CA7: variants seen among roughly 807,000 people sequenced by gnomAD.
The protein encoded by CA7 is carbonic anhydrase 7.
CA7 carries 13 observed loss-of-function variants against 31.4 expected under a neutral mutation model. The ratio of observed to expected loss-of-function variants is 0.41; its 90% CI spans 0.27 to 0.66. The LOEUF is 0.66. Ranked by LOEUF, CA7 falls within the 30% of genes least tolerant of loss-of-function variation. The pLI, the probability that CA7 is intolerant of heterozygous loss-of-function variation, is 0.28. For missense variants in CA7, 215 were observed against 351.0 expected, an observed-to-expected ratio of 0.61 and a Z score of 3.10; for synonymous variants, 128 against 133.2, an observed-to-expected ratio of 0.96 and a Z score of 0.27.
At chr16:66,844,851 C>A in intron 1 of CA7, 1 of 1,014,058 alleles carries the variant, frequency 9.9e-7, no homozygotes, top group Non-Finnish European at 1.2e-6. Context: ...CCCGGGCGTG[C>A]GCAGCGCGTG....
At position 66,853,723 on chromosome 16, in the gene CA7, G is replaced by A. The variant is rs1433286621; in HGVS notation, c.*225G>A. The A allele has an allele frequency of 7.2e-6, 4 of 552,952 alleles. No homozygotes were observed. Among genetic ancestry groups the A allele is most frequent in the Non-Finnish European group, 1.3e-5 (4 of 314,194 alleles). The allele number at this position is 552,952 out of a possible 1,614,324, so 34.3% of individuals were successfully genotyped here. A position where few individuals can be genotyped will look rare whatever the true frequency, so the allele number is the denominator to read the frequency against. ...AGGACAGGAGCTAAGCAGGGTCCAAGCCTGGGGCTGCCTCTGCTCTCCAAG... is the reference window on the plus strand; with the variant it reads ...AGGACAGGAGCTAAGCAGGGTCCAAACCTGGGGCTGCCTCTGCTCTCCAAG... On this transcript the variant is annotated 3_prime_UTR_variant, in exon 7 of 7. Coordinates refer to ENST00000338437, the MANE Select transcript of CA7 (RefSeq NM_005182.3). This position sits in a 1 kb window ranked among gnomAD's most constrained non-coding sequence, Gnocchi z 4.5.
At chr16:66,845,338 TC>T in intron 1 of CA7, 1 of 586,818 alleles carries the variant, frequency 1.7e-6, no homozygotes, top group Non-Finnish European at 2.1e-6. Flanking sequence ...GTTCCCTATT[TC>T]CCTGGGGAGC....
chr16:66,850,794 T>G (rs1426671104), intron 3 of CA7, 135 bp downstream of exon 3: 3 of 665,976 alleles, frequency 4.5e-6, no homozygotes, highest in Non-Finnish European at 8.2e-6. Flanking sequence ...TTGGGAGAGA[T>G]ATTTTCTACC....
At chr16:66,847,398 A>G (rs1960951922) in intron 2 of CA7, among the ~76,000 whole-genome samples, 171 bp downstream of exon 2, 1 of 152,220 alleles carries the variant, frequency 6.6e-6, no homozygotes, top group Non-Finnish European at 1.5e-5. Flanking sequence ...AGTGAGAGCA[A>G]TAAGACCTAC....
intron 6 of CA7, 55 bp downstream of exon 6, chr16:66,852,922 G>A: frequency 6.5e-7 from 1 of 1,535,358 alleles, no homozygotes; most frequent in South Asian, 1.2e-5. Flanking sequence ...GCTCACCCCA[G>A]GCAGTGTGAC....
chr16:66,853,390 G>T lies in CA7; in HGVS notation c.687G>T (p.Arg229=). 1 of 1,614,154 alleles carries T rather than the reference G, an allele frequency of 6.2e-7. No homozygotes were observed. The highest frequency in any genetic ancestry group is 8.5e-7 in the Non-Finnish European group (1 of 1,180,024). Reference sequence around the variant, plus strand: ...GCTTCCTCAAGATGGGGAAGTTCCGGAGCCTGCTTTTTACCTCGGAGGACG... The same window carrying T: ...GCTTCCTCAAGATGGGGAAGTTCCGTAGCCTGCTTTTTACCTCGGAGGACG... ...CISERQMGKF[R]SLLFTSEDDE... Residue 229 remains arginine (R), a synonymous_variant, in exon 7 of 7, where the codon CGG becomes CGT. Coordinates refer to ENST00000338437, the MANE Select transcript of CA7 (RefSeq NM_005182.3). The surrounding 1 kb of genome is among the most constrained non-coding windows in gnomAD (Gnocchi z 4.5).
chr16:66,844,893 C>G, intron 1 of CA7: 1 of 1,060,050 alleles, frequency 9.4e-7, no homozygotes, highest in Non-Finnish European at 1.1e-6. Flanking sequence ...GGGCGGGCGC[C>G]GCGGAGCGCT....
chr16:66,845,188 C>G, intron 1 of CA7: 1 of 985,550 alleles, frequency 1.0e-6, no homozygotes, highest in Non-Finnish European at 1.2e-6. Context: ...CTCCTTCATC[C>G]TGCCTCAGTT....
chr16:66,847,064 C>T lies in CA7; in HGVS notation c.75C>T (p.Ala25=). The change falls in exon 2 of 7, where the codon GCC becomes GCT. Residue 25 remains alanine (A), a synonymous_variant. Transcript: ENST00000338437. ...ATTGGCACAAGCTGTATCCCATTGCCCAGGGAGATCGCCAATCACCCATCA... is the reference window on the plus strand; with the variant it reads ...ATTGGCACAAGCTGTATCCCATTGCTCAGGGAGATCGCCAATCACCCATCA... ...PSHWHKLYPI[A]QGDRQSPINI... 1 of 1,614,144 alleles carries T rather than the reference C, an allele frequency of 6.2e-7. No individual in the cohort carries two copies. Among genetic ancestry groups the T allele is most frequent in the Non-Finnish European group, 8.5e-7 (1 of 1,180,018 alleles).
At chr16:66,850,680 G>T in intron 3 of CA7, 21 bp downstream of exon 3, 2 of 1,496,202 alleles carry the variant, frequency 1.3e-6, no homozygotes, top group Middle Eastern at 1.7e-4. Context: ...TCCTCCACTT[G>T]AATCCCTCTG....
rs554236613 is a variant in CA7 at position 66,845,829 on chromosome 16, C to T, written c.41-1201C>T. On this transcript the variant is annotated intron_variant, in intron 1 of 6. Transcript: ENST00000338437. Reference sequence around the variant, plus strand: ...AGCCTGCTCCATGGGCCTGCTCCCCCAAAGCAGCCACCCCATCACCCAGGC... The same window carrying T: ...AGCCTGCTCCATGGGCCTGCTCCCCTAAAGCAGCCACCCCATCACCCAGGC... 1.3e-3 allele frequency among the ~76,000 whole-genome samples: 200 copies of T among 152,310 alleles called. 4 individuals are homozygous for T. In the South Asian group the frequency reaches 0.019, roughly 15 times the overall value.
At position 66,848,999 on chromosome 16, in the gene CA7, G is replaced by A. The variant is rs917429231; in HGVS notation, c.239-1542G>A. ...ACCGGGCAAGAAAGAGGGACTTCTGGACTGTCCTGTCCTCCTGCTTAAGGA... is the reference window on the plus strand; with the variant it reads ...ACCGGGCAAGAAAGAGGGACTTCTGAACTGTCCTGTCCTCCTGCTTAAGGA... On this transcript the variant is annotated intron_variant, in intron 2 of 6. Coordinates refer to ENST00000338437, the MANE Select transcript of CA7 (RefSeq NM_005182.3). 5.9e-5 allele frequency among the ~76,000 whole-genome samples: 9 copies of A among 152,284 alleles called. No homozygotes were observed. The East Asian group carries it at 7.7e-4, about 13-fold the overall frequency.
At chr16:66,844,805 C>T (rs2145374653) in intron 1 of CA7, 3 of 829,834 alleles carry the variant, frequency 3.6e-6, no homozygotes, top group Middle Eastern at 8.3e-4. Context: ...ATTGCCCAGC[C>T]CGCTCAGACC....
chr16:66,845,192 C>G lies in CA7; in HGVS notation c.40+665C>G. The G allele has an allele frequency of 4.1e-6, 4 of 985,566 alleles. No homozygotes were observed. In the South Asian group the frequency reaches 1.4e-4, roughly 35 times the overall value. The allele number at this position is 985,566 out of a possible 1,614,324, so 61.1% of individuals were successfully genotyped here. The stretch of plus-strand genomic sequence containing the variant: ...GCGGAAGAGAGCTCCTTCATCCTGC[C>G]TCAGTTTCCTTAGGACTCAGAGAAA... On this transcript the variant is annotated intron_variant, in intron 1 of 6. Transcript: ENST00000338437.
chr16:66,847,337 C>A, intron 2 of CA7, 110 bp downstream of exon 2: 1 of 903,976 alleles, frequency 1.1e-6, no homozygotes, highest in South Asian at 1.5e-5. Context: ...AAGGTTCCTC[C>A]TCTCACCAGC....
chr16:66,847,151 G>C lies in CA7; in HGVS notation c.162G>C (p.Glu54Asp), dbSNP rs752716714. 28 of 1,614,058 alleles carry C rather than the reference G, an allele frequency of 1.7e-5. No homozygotes were observed. Among genetic ancestry groups the C allele is most frequent in the Non-Finnish European group, 2.4e-5 (28 of 1,180,026 alleles). The change falls in exon 2 of 7, where the codon GAG (glutamate) becomes GAC (aspartate). Residue 54 changes from glutamate (E) to aspartate (D), a missense_variant. Physicochemically the swap from Glu to Asp is conservative, Grantham distance 45. Transcript: ENST00000338437. Reference protein sequence around the residue: ...PSLQPLELSYEACMSLSITNN... With the variant: ...PSLQPLELSYDACMSLSITNN... ...TGCAACCACTGGAGCTTTCCTATGA[G>C]GCCTGCATGTCCCTCAGCATCACCA...
Position 66,844,707 on chromosome 16 carries a change from C to G in CA7, c.40+180C>G, listed in dbSNP as rs553680228. On this transcript the variant is annotated intron_variant, in intron 1 of 6. Transcript: ENST00000338437. ...CCAAGCCTTGGTCCCCCGCGCCAGA[C>G]GCAAAGTCCGCGCTGCGCCCCGGGT... Among the ~76,000 whole-genome samples the G allele has an allele frequency of 7.2e-4, 110 of 152,374 alleles. No individual in the cohort carries two copies. In the Middle Eastern group the frequency reaches 0.01, roughly 14 times the overall value.
In CA7 at chr16:66,851,736, C is replaced by T. The variant is rs745377120; in HGVS notation, c.516+10C>T. 6.2e-7 allele frequency: 1 copy of T among 1,612,366 alleles called. No individual in the cohort carries two copies. The highest frequency in any genetic ancestry group is 1.1e-5 in the South Asian group (1 of 90,866). On this transcript the variant is annotated intron_variant, in intron 5 of 6. Transcript: ENST00000338437. The stretch of plus-strand genomic sequence containing the variant: ...CATGGTCCGGTTCAAGGTAAAGTCC[C>T]TGCCCCTGACCCAAGCAGCCCGATG...
At chr16:66,852,509 GA>G (rs1295794053) in intron 5 of CA7, among the ~76,000 whole-genome samples, 1 of 126,238 alleles carries the variant, frequency 7.9e-6, no homozygotes, top group Non-Finnish European at 1.5e-5. Flanking sequence ...AGAGAGAGGG[GA>G]AGGAAGGAAG....
Sources: gnomAD v4.1 joint callset for allele counts (sites outside exome capture counted in the v4.1 genomes callset) on GRCh38, gnomAD v4.1.1 for gene constraint, Gnocchi (gnomAD v3.1) non-coding constraint, MANE v1.5 for transcripts, NCBI Gene and HGNC (gene_info 2026-07-23, HGNC 2026-07-21) for gene names.